The following FKTN variants were observed in gnomAD, a reference collection of about 807,000 sequenced individuals.
The protein encoded by FKTN is ribitol-5-phosphate transferase FKTN.
A neutral mutation model predicts 58.6 loss-of-function variants in FKTN; 47 were observed. That is an observed-to-expected ratio of 0.80 (90% confidence interval 0.63 to 1.02). FKTN has a LOEUF of 1.02. Among genes scored for constraint, FKTN ranks in the 50% least tolerant of loss-of-function variants. The pLI is 0.00. For missense variants in FKTN, 516 were observed against 537.3 expected, an observed-to-expected ratio of 0.96 and a Z score of 0.39; for synonymous variants, 178 against 191.9, an observed-to-expected ratio of 0.93 and a Z score of 0.60.
rs1441208551 is a variant in FKTN, at chr9:105,636,620, A to T, written c.*1356A>T. 4.2e-6 allele frequency: 5 copies of T among 1,201,374 alleles called. No individual in the cohort carries two copies. Among genetic ancestry groups the T allele is most frequent in the Non-Finnish European group, 5.4e-6 (5 of 927,320 alleles). 74.4% of individuals were successfully genotyped at this position (1,201,374 alleles called of 1,614,324 possible). ...ACTTGAATGATATATTGTAAGTGAG[A>T]GGTAAAGGAAAATGTAGGCACAATA... On this transcript the variant is annotated 3_prime_UTR_variant, in exon 11 of 11. Coordinates refer to ENST00000357998, the MANE Select transcript of FKTN (RefSeq NM_001079802.2).
rs1330841196 is a variant in FKTN, at chr9:105,578,136, CT to C, written c.105+3003del. On this transcript the variant is annotated intron_variant, in intron 3 of 10. Coordinates refer to ENST00000357998, the MANE Select transcript of FKTN (RefSeq NM_001079802.2). ...GCAAACAGGGACAGTTTGACTTCCTCTTTTCCTAATTGAATACCCTTTATTT... is the reference window on the plus strand; with the variant it reads ...GCAAACAGGGACAGTTTGACTTCCTCTTTCCTAATTGAATACCCTTTATTT... 4.6e-5 allele frequency among the ~76,000 whole-genome samples: 7 copies of C among 151,344 alleles called. 1 individual carries two copies. The highest frequency in any genetic ancestry group is 1.7e-4 in the African/African-American group (7 of 41,090).
chr9:105,622,575 T>C (rs1832152263), intron 10 of FKTN, among the ~76,000 whole-genome samples: 1 of 151,998 alleles, frequency 6.6e-6, no homozygotes, highest in Non-Finnish European at 1.5e-5. Flanking sequence ...TATTCTCACC[T>C]CCAGTTAGAC....
intron 10 of FKTN, 33 bp from the exon 11 acceptor site, chr9:105,635,018 C>G: frequency 6.3e-7 from 1 of 1,586,278 alleles, no homozygotes; most frequent in South Asian, 1.1e-5. Context: ...CCTTCTTCCA[C>G]TGTTGAAGCC....
Position 105,639,365 on chromosome 9 carries a change from A to C in FKTN, c.*4101A>C, listed in dbSNP as rs1834271929. 2 of 872,124 alleles carry C rather than the reference A, an allele frequency of 2.3e-6. No individual in the cohort carries two copies. Among genetic ancestry groups the C allele is most frequent in the South Asian group, 5.3e-5 (1 of 19,032 alleles). The allele number at this position is 872,124 out of a possible 1,614,324, so 54.0% of individuals were successfully genotyped here. ...AGCTTTTGAGTTAGGCCTGAATTTGAATTTCAGCTTAATCATGTGGGATTT... is the reference window on the plus strand; with the variant it reads ...AGCTTTTGAGTTAGGCCTGAATTTGCATTTCAGCTTAATCATGTGGGATTT... On this transcript the variant is annotated 3_prime_UTR_variant, in exon 11 of 11. Coordinates refer to ENST00000357998, the MANE Select transcript of FKTN (RefSeq NM_001079802.2).
chr9:105,584,277 G>GA (rs1458764071), intron 3 of FKTN, among the ~76,000 whole-genome samples: 2 of 151,958 alleles, frequency 1.3e-5, no homozygotes, highest in Admixed American at 1.3e-4. Flanking sequence ...ATTTTATAAT[G>GA]AAAAATAGTA....
chr9:105,579,414 T>G (rs1473667629), intron 3 of FKTN, among the ~76,000 whole-genome samples: 1 of 152,096 alleles, frequency 6.6e-6, no homozygotes, highest in Non-Finnish European at 1.5e-5. Flanking sequence ...TGCCTTCATT[T>G]CGTTATGTAC....
chr9:105,582,638 AT>A (rs1843213038), intron 3 of FKTN, among the ~76,000 whole-genome samples: 1 of 152,190 alleles, frequency 6.6e-6, no homozygotes, highest in South Asian at 2.1e-4. Context: ...GACTATACTG[AT>A]TCTACTTTTG....
chr9:105,634,441 A>G (rs1373140217), intron 10 of FKTN, among the ~76,000 whole-genome samples: 3 of 152,030 alleles, frequency 2.0e-5, no homozygotes, highest in Non-Finnish European at 2.9e-5. Flanking sequence ...GCCTGGTTTA[A>G]TTTCTAAAAC....
chr9:105,561,568 T>TACAC (rs1301984248), intron 1 of FKTN, among the ~76,000 whole-genome samples: 9 of 152,350 alleles, frequency 5.9e-5, no homozygotes, highest in African/African-American at 2.2e-4. Flanking sequence ...AGCCACTATC[T>TACAC]TTCCAAAACC....
At chr9:105,564,261 G>A (rs549728690) in intron 1 of FKTN, among the ~76,000 whole-genome samples, 26 of 152,308 alleles carry the variant, frequency 1.7e-4, no homozygotes, top group South Asian at 6.2e-4. Flanking sequence ...CCAAAGGAAC[G>A]CAGCTCCTCA....
intron 1 of FKTN, among the ~76,000 whole-genome samples, chr9:105,573,285 G>A (rs1841090572): frequency 6.6e-6 from 1 of 151,880 alleles, no homozygotes; most frequent in South Asian, 2.1e-4. Context: ...AGAATTCAAT[G>A]TTATAACAGA....
At chr9:105,559,872 C>T (rs535519854) in intron 1 of FKTN, among the ~76,000 whole-genome samples, 17 of 151,906 alleles carry the variant, frequency 1.1e-4, no homozygotes, top group South Asian at 4.2e-4. Flanking sequence ...TAACTATAGG[C>T]CATACCCACA....
intron 1 of FKTN, among the ~76,000 whole-genome samples, chr9:105,570,165 C>T (rs529953672): frequency 6.6e-6 from 1 of 151,148 alleles, no homozygotes; most frequent in Non-Finnish European, 1.5e-5. Context: ...ATTTCAAATT[C>T]TGTTTTATTG....
chr9:105,579,037 C>T (rs201898187), intron 3 of FKTN, among the ~76,000 whole-genome samples: 1 of 151,484 alleles, frequency 6.6e-6, no homozygotes, highest in African/African-American at 2.4e-5. Context: ...TTTATTGCGT[C>T]TATTTCATTC....
At chr9:105,577,545 A>C (rs1173961224) in intron 3 of FKTN, among the ~76,000 whole-genome samples, 2 of 144,338 alleles carry the variant, frequency 1.4e-5, no homozygotes, top group Admixed American at 1.4e-4. Context: ...TTTTGGTACC[A>C]GTACCATGCT....
intron 3 of FKTN, among the ~76,000 whole-genome samples, chr9:105,578,192 AC>A (rs1842121843): frequency 6.7e-6 from 1 of 149,562 alleles, no homozygotes; most frequent in Non-Finnish European, 1.5e-5. Context: ...CCTGGCCAGA[AC>A]TTCCAACACT....
intron 1 of FKTN, among the ~76,000 whole-genome samples, chr9:105,572,230 G>GTATATA (rs35917146): frequency 4.3e-4 from 63 of 146,310 alleles, no homozygotes; most frequent in Middle Eastern, 7.2e-3. Flanking sequence ...TCTTGAGACT[G>GTATATA]TATATATATA....
At chr9:105,573,800 G>A (rs1587857924) in intron 2 of FKTN, 54 bp downstream of exon 2, 1 of 152,152 alleles carries the variant, frequency 6.6e-6, no homozygotes, top group Admixed American at 6.5e-5. Flanking sequence ...TACCTATCAG[G>A]AGTTGGTTTG....
rs1588318875 is a variant in FKTN at position 105,635,881 on chromosome 9, C to T, written c.*617C>T. On this transcript the variant is annotated 3_prime_UTR_variant, in exon 11 of 11. Coordinates refer to ENST00000357998, the MANE Select transcript of FKTN (RefSeq NM_001079802.2). ...AGGTGAGAGCTTATTTGTATCAGAGCTTATTACTTGTCAGGATAAGTAAAT... is the reference window on the plus strand; with the variant it reads ...AGGTGAGAGCTTATTTGTATCAGAGTTTATTACTTGTCAGGATAAGTAAAT... The T allele has an allele frequency of 1.0e-5, 10 of 990,228 alleles. No homozygotes were observed. Among genetic ancestry groups the T allele is most frequent in the Non-Finnish European group, 1.2e-5 (10 of 832,362 alleles). 61.3% of individuals were successfully genotyped at this position (990,228 alleles called of 1,614,324 possible).
Sources: gnomAD v4.1 joint callset for allele counts (sites outside exome capture counted in the v4.1 genomes callset) on GRCh38, gnomAD v4.1.1 for gene constraint, MANE v1.5 for transcripts, NCBI Gene and HGNC (gene_info 2026-07-23, HGNC 2026-07-21) for gene names.